The following NNMT variants were observed in gnomAD, a reference collection of about 807,000 sequenced individuals.
NNMT encodes the protein nicotinamide N-methyltransferase.
NNMT carries 10 observed loss-of-function variants against 11.7 expected under a neutral mutation model. That is an observed-to-expected ratio of 0.85 (90% CI 0.53 to 1.45). The LOEUF (loss-of-function observed/expected upper bound fraction) is 1.45, where lower values mean the gene tolerates loss of function less well. NNMT is among the 40% of genes most tolerant of loss of function. The pLI is 0.00. For synonymous variants in NNMT, 143 were observed against 133.8 expected, an observed-to-expected ratio of 1.07 and a Z score of -0.48; for missense variants, 381 against 319.4, an observed-to-expected ratio of 1.19 and a Z score of -1.47.
chr11:114,280,528 C>T (rs1197187828), intron 2 of NNMT, among the ~76,000 whole-genome samples: 6 of 152,130 alleles, frequency 3.9e-5, no homozygotes. Flanking sequence ...CAGAGAATCC[C>T]CTTATTCATT....
intron 2 of NNMT, among the ~76,000 whole-genome samples, chr11:114,284,721 C>T (rs1591831507): frequency 1.3e-5 from 2 of 148,850 alleles, no homozygotes; most frequent in South Asian, 4.3e-4. Context: ...CTTGGCCTCC[C>T]AAAGTGCTGA....
upstream of NNMT, among the ~76,000 whole-genome samples, chr11:114,292,842 T>G (rs1309432078): frequency 6.6e-6 from 1 of 152,150 alleles, no homozygotes; most frequent in Non-Finnish European, 1.5e-5. Flanking sequence ...GCCACATATA[T>G]GCTATATCAC....
chr11:114,301,207 A>G (rs1945435837), intron 2 of NNMT, among the ~76,000 whole-genome samples: 1 of 152,178 alleles, frequency 6.6e-6, no homozygotes, highest in Non-Finnish European at 1.5e-5. Flanking sequence ...TTGCAAAACT[A>G]TTCAATCTAG....
intron 2 of NNMT, among the ~76,000 whole-genome samples, chr11:114,303,722 A>G (rs1945462156): frequency 6.6e-6 from 1 of 152,150 alleles, no homozygotes; most frequent in Non-Finnish European, 1.5e-5. Flanking sequence ...GAGAGAGGCT[A>G]TTCTATTTTT....
intron 2 of NNMT, among the ~76,000 whole-genome samples, chr11:114,263,303 A>G (rs951761047): frequency 2.6e-5 from 4 of 152,126 alleles, no homozygotes; most frequent in African/African-American, 9.7e-5. Context: ...TACAGTTATG[A>G]TTATTTTCTC....
At chr11:114,272,333 C>G (rs1177163517) in intron 2 of NNMT, among the ~76,000 whole-genome samples, 1 of 152,198 alleles carries the variant, frequency 6.6e-6, no homozygotes, top group Non-Finnish European at 1.5e-5. Context: ...AAGCTCATCT[C>G]CTTCAACCTT....
intron 2 of NNMT, among the ~76,000 whole-genome samples, chr11:114,299,019 C>G (rs1945412101): frequency 6.6e-6 from 1 of 152,196 alleles, no homozygotes; most frequent in Non-Finnish European, 1.5e-5. Context: ...ACCCCACAGA[C>G]TTCTTTGCAA....
Position 114,273,325 on chromosome 11 carries a change from T to G in NNMT, c.-130+10391T>G, listed in dbSNP as rs73564899. Among the ~76,000 whole-genome samples the G allele has an allele frequency of 3.5e-3, 538 of 152,320 alleles. 4 individuals carry two copies. Among genetic ancestry groups the G allele is most frequent in the African/African-American group, 0.012 (509 of 41,566 alleles). On this transcript the variant is annotated intron_variant, in intron 2 of 4. Transcript: ENST00000535401. Reference sequence around the variant, plus strand: ...GGAGACTGGGCCAGAGGAGGAATTATAACAGATTCAGCTTGTTTTCTCTCC... The same window carrying G: ...GGAGACTGGGCCAGAGGAGGAATTAGAACAGATTCAGCTTGTTTTCTCTCC...
At chr11:114,280,011 T>C (rs1945247599) in intron 2 of NNMT, among the ~76,000 whole-genome samples, 1 of 151,618 alleles carries the variant, frequency 6.6e-6, no homozygotes, top group South Asian at 2.1e-4. Context: ...GTGACAAAGG[T>C]GGGGTCACGG....
chr11:114,289,372 TA>T (rs1044874694), intron 2 of NNMT, among the ~76,000 whole-genome samples: 4 of 152,222 alleles, frequency 2.6e-5, no homozygotes, highest in African/African-American at 9.6e-5. Context: ...CATTAATTCT[TA>T]GCTTTTGTGC....
chr11:114,270,242 A>C (rs1454764405), intron 2 of NNMT: 4 of 152,226 alleles, frequency 2.6e-5, no homozygotes, highest in African/African-American at 9.6e-5. Flanking sequence ...TTTAGATTAG[A>C]GCATTCAATA....
intron 1 of NNMT, among the ~76,000 whole-genome samples, chr11:114,258,412 A>G (rs1210056960): frequency 6.6e-6 from 1 of 152,214 alleles, no homozygotes; most frequent in African/African-American, 2.4e-5. Flanking sequence ...AGACTCAGGC[A>G]AGTTGCAGCC....
At chr11:114,300,945 C>T (rs1945432293) in intron 2 of NNMT, among the ~76,000 whole-genome samples, 1 of 152,174 alleles carries the variant, frequency 6.6e-6, no homozygotes, top group African/African-American at 2.4e-5. Context: ...ATCCCCTTCC[C>T]TAGAATATCC....
chr11:114,295,082 C>T (rs1189326945), upstream of NNMT, among the ~76,000 whole-genome samples: 4 of 152,180 alleles, frequency 2.6e-5, no homozygotes, highest in South Asian at 8.3e-4. Context: ...GCAAAGCATA[C>T]GAGAAGTGGG....
intron 2 of NNMT, 181 bp downstream of exon 2, chr11:114,298,339 C>T (rs1443357858): frequency 2.4e-5 from 14 of 591,232 alleles, no homozygotes; most frequent in Non-Finnish European, 3.9e-5. Context: ...TGTGTATGTG[C>T]ACGTGCATGT....
chr11:114,297,917 T>G, intron 1 of NNMT, 34 bp from the exon 2 acceptor site: 2 of 1,590,296 alleles, frequency 1.3e-6, no homozygotes, highest in Non-Finnish European at 8.6e-7. Context: ...ATGAGATGCC[T>G]GATCTCTCCT....
At chr11:114,259,730 G>A (rs372833957) in intron 1 of NNMT, among the ~76,000 whole-genome samples, 26 of 152,272 alleles carry the variant, frequency 1.7e-4, no homozygotes, top group South Asian at 6.2e-4. Context: ...TGACTCTGCC[G>A]CCCTGCAGCC....
At chr11:114,310,789 T>C (rs1446429886) in intron 2 of NNMT, among the ~76,000 whole-genome samples, 2 of 152,262 alleles carry the variant, frequency 1.3e-5, no homozygotes, top group Non-Finnish European at 2.9e-5. Context: ...CCTGGGCCCT[T>C]AACACACTCA....
intron 2 of NNMT, among the ~76,000 whole-genome samples, chr11:114,306,568 G>A (rs1945493825): frequency 6.6e-6 from 1 of 152,026 alleles, no homozygotes. Context: ...TCTACATATG[G>A]CTAGCCAGTT....
Sources: gnomAD v4.1 joint callset for allele counts (sites outside exome capture counted in the v4.1 genomes callset) on GRCh38, gnomAD v4.1.1 for gene constraint, MANE v1.5 for transcripts, NCBI Gene and HGNC (gene_info 2026-07-23, HGNC 2026-07-21) for gene names.